The following ADAM12 variants were observed in gnomAD, a reference collection of about 807,000 sequenced individuals.
ADAM12 encodes the protein disintegrin and metalloproteinase domain-containing protein 12.
Under a neutral mutation model 106.4 loss-of-function variants are expected in ADAM12, and 70 were observed. That is an observed-to-expected ratio of 0.66 (90% CI 0.54 to 0.80). ADAM12 has a LOEUF of 0.80. ADAM12 is among the 30% of genes least tolerant of loss of function. ADAM12 has a pLI of 0.00. For missense variants in ADAM12, 1,010 were observed against 1,171.9 expected (o/e 0.86, Z 2.02); for synonymous variants, 420 against 433.5 (o/e 0.97, Z 0.39).
intron 3 of ADAM12, among the ~76,000 whole-genome samples, chr10:126,230,820 A>G (rs1210309490): frequency 3.9e-5 from 6 of 152,116 alleles, no homozygotes; most frequent in Non-Finnish European, 5.9e-5. Flanking sequence ...CTTGTCCTTG[A>G]TTTGGATATT....
rs140541297 is a variant in ADAM12, at chr10:126,051,572, T to G, written c.1610-1903A>C. On this transcript the variant is annotated intron_variant, in intron 14 of 22. Coordinates refer to ENST00000448723, the MANE Select transcript of ADAM12 (RefSeq NM_001288973.2). The stretch of plus-strand genomic sequence containing the variant: ...ATCCATCCATCCATCCATCCATCCA[T>G]CCATCCATCCATCCATCCAGCCAGC... Among the ~76,000 whole-genome samples the G allele has an allele frequency of 6.0e-3, 515 of 85,500 alleles. 8 individuals carry two copies. Among genetic ancestry groups the G allele is most frequent in the South Asian group, 0.019 (46 of 2,378 alleles). The allele number at this position is 85,500 out of a possible 152,430, so 56.1% of individuals were successfully genotyped here. A position where few individuals can be genotyped will look rare whatever the true frequency, so the allele number is the denominator to read the frequency against.
intron 3 of ADAM12, among the ~76,000 whole-genome samples, chr10:126,193,479 T>A (rs1280894869): frequency 1.3e-5 from 2 of 152,164 alleles, no homozygotes; most frequent in Admixed American, 1.3e-4. Context: ...GCTTACTGGA[T>A]TAATTTATTG....
At position 126,062,784 on chromosome 10, in the gene ADAM12, A is replaced by G. The variant is rs59246467; in HGVS notation, c.1609+2022T>C. ...AAGTGTTGTGTGTGCTCTGGCCACAAAATGCTTTTTGGAAAGGAGCTTCAT... is the reference window on the plus strand; with the variant it reads ...AAGTGTTGTGTGTGCTCTGGCCACAGAATGCTTTTTGGAAAGGAGCTTCAT... On this transcript the variant is annotated intron_variant, in intron 14 of 22. Transcript: ENST00000448723. Among the ~76,000 whole-genome samples, 885 of 152,308 alleles carry G rather than the reference A, an allele frequency of 5.8e-3. 11 individuals are homozygous for G. Among genetic ancestry groups the G allele is most frequent in the African/African-American group, 0.02 (823 of 41,572 alleles).
intron 1 of ADAM12, 49 bp from the exon 2 acceptor site, chr10:126,330,558 T>C: frequency 6.6e-7 from 1 of 1,520,776 alleles, no homozygotes; most frequent in Non-Finnish European, 9.0e-7. Context: ...TCAGGAAGAG[T>C]TTGGCATCAG....
intron 7 of ADAM12, 113 bp downstream of exon 7, chr10:126,109,662 T>C: frequency 1.2e-6 from 1 of 867,444 alleles, no homozygotes; most frequent in Non-Finnish European, 1.8e-6. Flanking sequence ...TTCCATTGCT[T>C]TTAAGAGCAC....
rs1421326228 is a variant in ADAM12 at position 126,061,937 on chromosome 10, G to A, written c.1609+2869C>T. 5.9e-5 allele frequency among the ~76,000 whole-genome samples: 9 copies of A among 152,172 alleles called. 1 individual carries two copies. The South Asian group carries it at 6.2e-4, about 11-fold the overall frequency. ...AGCGCCTGTAAACTGGAAACCAGGCGGAAACACCGACAAGGGGAGGAAGGA... is the reference window on the plus strand; with the variant it reads ...AGCGCCTGTAAACTGGAAACCAGGCAGAAACACCGACAAGGGGAGGAAGGA... On this transcript the variant is annotated intron_variant, in intron 14 of 22. Transcript: ENST00000448723.
chr10:126,015,484 A>G lies in ADAM12; in HGVS notation c.*1795T>C, dbSNP rs906318471. On this transcript the variant is annotated 3_prime_UTR_variant, in exon 23 of 23. Coordinates refer to ENST00000448723, the MANE Select transcript of ADAM12 (RefSeq NM_001288973.2). ...GTATTATTTTCCAGCATGGCTTTAC[A>G]TTTTAAAGAACTTAATAACTATAGA... The G allele has an allele frequency of 3.3e-5, 5 of 152,222 alleles. No homozygotes were observed. The highest frequency in any genetic ancestry group is 5.9e-5 in the Non-Finnish European group (4 of 68,028). 9.4% of individuals were successfully genotyped at this position (152,222 alleles called of 1,614,324 possible). A position where few individuals can be genotyped will look rare whatever the true frequency, so the allele number is the denominator to read the frequency against.
chr10:126,101,021 T>C (rs760480329), intron 9 of ADAM12, 51 bp downstream of exon 9: 1 of 1,597,268 alleles, frequency 6.3e-7, no homozygotes, highest in Non-Finnish European at 8.5e-7. Flanking sequence ...ACGAAGGGCT[T>C]CGCCGAGAGC....
chr10:126,349,327 G>A (rs576248710), intron 1 of ADAM12, among the ~76,000 whole-genome samples: 15 of 152,266 alleles, frequency 9.9e-5, no homozygotes, highest in Admixed American at 5.2e-4. Flanking sequence ...TGTTTGGCAC[G>A]GACTGAAAGC....
At chr10:126,102,542 G>A (rs1055323231) in intron 8 of ADAM12, among the ~76,000 whole-genome samples, 8 of 152,174 alleles carry the variant, frequency 5.3e-5, no homozygotes, top group Non-Finnish European at 4.4e-5. Flanking sequence ...ACCCACATAA[G>A]GTGAGCTCAT....
rs1955596511 is a variant in ADAM12, at chr10:126,098,418, T to C, written c.994A>G (p.Met332Val). 6.2e-7 allele frequency: 1 copy of C among 1,613,822 alleles called. No individual in the cohort carries two copies. Among genetic ancestry groups the C allele is most frequent in the Non-Finnish European group, 8.5e-7 (1 of 1,179,718 alleles). Residue 332 changes from methionine (M) to valine (V), a missense_variant and splice_region_variant, in exon 10 of 23, where the codon ATG becomes GTG. Coordinates refer to ENST00000448723, the MANE Select transcript of ADAM12 (RefSeq NM_001288973.2). ...CTADQSGGIV[M>V]DHSDNPLGAA... ...AGCTCCCAATGCCCTTGGCTTACCA[T>C]GACAATTCCCCCAGACTGGTCTGCC...
At chr10:126,020,562 TGTG>T (rs1167407824) in intron 21 of ADAM12, among the ~76,000 whole-genome samples, 2 of 152,060 alleles carry the variant, frequency 1.3e-5, no homozygotes, top group Admixed American at 6.5e-5. Context: ...CTCTGGAAAA[TGTG>T]GGGAAAAAGA....
chr10:126,261,469 A>G (rs1254241341), intron 3 of ADAM12, among the ~76,000 whole-genome samples: 1 of 152,186 alleles, frequency 6.6e-6, no homozygotes, highest in Non-Finnish European at 1.5e-5. Context: ...TTTTCCTATT[A>G]ATTGGCAATC....
chr10:126,101,049 G>A (rs756441118), intron 9 of ADAM12, 23 bp downstream of exon 9: 3 of 1,597,990 alleles, frequency 1.9e-6, no homozygotes, highest in East Asian at 2.2e-5. Flanking sequence ...TTTTTTTTAA[G>A]CAGACAAGAC....
chr10:126,381,448 A>G (rs4962338), intron 1 of ADAM12, among the ~76,000 whole-genome samples: 144,262 of 152,134 alleles, frequency 0.95, 68,496 homozygotes, highest in East Asian at 1. Context: ...GACCAGCCTG[A>G]GGCAATAGAG....
chr10:126,385,651 A>G (rs1384550282), intron 1 of ADAM12, among the ~76,000 whole-genome samples: 1 of 152,212 alleles, frequency 6.6e-6, no homozygotes, highest in Non-Finnish European at 1.5e-5. Context: ...TTCTTAGTGC[A>G]AACATTGAAT....
chr10:126,144,551 A>G (rs988099885), intron 4 of ADAM12, among the ~76,000 whole-genome samples: 1 of 152,138 alleles, frequency 6.6e-6, no homozygotes, highest in African/African-American at 2.4e-5. Context: ...TTATTTGCTT[A>G]TACCCTGTCA....
At chr10:126,172,651 G>A (rs1023079714) in intron 3 of ADAM12, among the ~76,000 whole-genome samples, 1 of 152,332 alleles carries the variant, frequency 6.6e-6, no homozygotes, top group Non-Finnish European at 1.5e-5. Context: ...CTTTTACACT[G>A]TTGGTGGGAG....
intron 1 of ADAM12, among the ~76,000 whole-genome samples, chr10:126,387,218 G>A (rs960788627): frequency 2.0e-5 from 3 of 152,222 alleles, no homozygotes; most frequent in Non-Finnish European, 4.4e-5. Context: ...CGGGGAAGTT[G>A]CCGGATTTTT....
Sources: gnomAD v4.1 joint callset for allele counts (sites outside exome capture counted in the v4.1 genomes callset) on GRCh38, gnomAD v4.1.1 for gene constraint, MANE v1.5 for transcripts, NCBI Gene and HGNC (gene_info 2026-07-23, HGNC 2026-07-21) for gene names.